Variants in NLGN4Y observed in about 807,000 individuals in gnomAD.
NLGN4Y encodes the protein neuroligin 4 Y-linked.
In NLGN4Y, 4 loss-of-function variants were observed where a neutral mutation model predicts 8.4. The ratio of observed to expected loss-of-function variants is 0.48; its 90% CI spans 0.23 to 1.09. NLGN4Y has a LOEUF of 1.09. NLGN4Y is among the 50% of genes least tolerant of loss of function. The pLI, the probability that NLGN4Y is intolerant of heterozygous loss-of-function variation, is 0.19. For missense variants in NLGN4Y, 90 were observed against 192.3 expected, an observed-to-expected ratio of 0.47 and a Z score of 3.15; for synonymous variants, 35 against 75.6, an observed-to-expected ratio of 0.46 and a Z score of 2.78.
At chrY:14,764,492 A>G in intron 4 of NLGN4Y, among the ~76,000 whole-genome samples, 1 of 33,719 alleles carries the variant, frequency 3.0e-5, no homozygotes, top group Admixed American at 2.7e-4. Flanking sequence ...TGTTATCTCA[A>G]TACCACACTC....
At chrY:14,820,837 G>T in intron 4 of NLGN4Y, among the ~76,000 whole-genome samples, 1 of 33,377 alleles carries the variant, frequency 3.0e-5, no homozygotes, top group Non-Finnish European at 7.4e-5. Flanking sequence ...TGGCTGCAGG[G>T]TCAACCAACT....
intron 2 of NLGN4Y, among the ~76,000 whole-genome samples, chrY:14,686,296 G>A (rs2080791205): frequency 3.0e-5 from 1 of 32,835 alleles, no homozygotes; most frequent in Non-Finnish European, 7.5e-5. Flanking sequence ...CAGAATACTG[G>A]CTAAACAATT....
At chrY:14,606,251 G>T (rs770938556) in intron 1 of NLGN4Y, among the ~76,000 whole-genome samples, 2 of 33,585 alleles carry the variant, frequency 6.0e-5, no homozygotes, top group Admixed American at 2.7e-4. Flanking sequence ...CATAATGAAT[G>T]TGAGATAGAA....
intron 4 of NLGN4Y, among the ~76,000 whole-genome samples, chrY:14,807,079 ATAAG>A (rs2043060209): frequency 3.0e-5 from 1 of 33,587 alleles, no homozygotes; most frequent in Admixed American, 2.8e-4. Context: ...AATAGTATAA[ATAAG>A]TAAGAACTTA....
chrY:14,832,206 C>T, intron 6 of NLGN4Y, among the ~76,000 whole-genome samples: 1 of 34,614 alleles, frequency 2.9e-5, no homozygotes, highest in South Asian at 6.4e-4. Context: ...CTGATAAGAT[C>T]AGAGGACACG....
chrY:14,561,039 A>T (rs1444906269), intron 1 of NLGN4Y, among the ~76,000 whole-genome samples: 3 of 33,118 alleles, frequency 9.1e-5, no homozygotes, highest in Non-Finnish European at 1.5e-4. Context: ...CATATAATAC[A>T]TCGTCCTACA....
intron 1 of NLGN4Y, among the ~76,000 whole-genome samples, chrY:14,533,317 A>G (rs2080120275): frequency 3.0e-5 from 1 of 33,387 alleles, no homozygotes; most frequent in Non-Finnish European, 7.4e-5. Flanking sequence ...TTTAAAATCA[A>G]TAAGCAACAG....
chrY:14,543,251 CA>C (rs2080157230), intron 1 of NLGN4Y, among the ~76,000 whole-genome samples: 15 of 33,879 alleles, frequency 4.4e-4, no homozygotes, highest in African/African-American at 1.7e-3. Flanking sequence ...CACCAACTAT[CA>C]AATTATAAAT....
chrY:14,672,692 A>G (rs2080718538), intron 2 of NLGN4Y, among the ~76,000 whole-genome samples: 1 of 32,171 alleles, frequency 3.1e-5, no homozygotes, highest in Non-Finnish European at 7.5e-5. Flanking sequence ...TAAAGTTCAT[A>G]TGGAACCAAA....
At chrY:14,820,763 T>C (rs2043119448) in intron 4 of NLGN4Y, among the ~76,000 whole-genome samples, 1 of 32,797 alleles carries the variant, frequency 3.0e-5, no homozygotes, top group Non-Finnish European at 7.5e-5. Flanking sequence ...AAGGCAAGGG[T>C]CACGATAGAT....
chrY:14,634,467 G>T (rs2080558610), intron 2 of NLGN4Y, among the ~76,000 whole-genome samples: 3 of 33,335 alleles, frequency 9.0e-5, no homozygotes. Flanking sequence ...CTGGCCTGTA[G>T]TCCTAGCTAC....
At chrY:14,633,942 A>G in intron 2 of NLGN4Y, among the ~76,000 whole-genome samples, 2 of 33,406 alleles carry the variant, frequency 6.0e-5, no homozygotes, top group South Asian at 1.4e-3. Context: ...GGTTGTTTAC[A>G]TAATGACTAA....
At chrY:14,551,981 T>C in intron 1 of NLGN4Y, among the ~76,000 whole-genome samples, 1 of 33,406 alleles carries the variant, frequency 3.0e-5, no homozygotes, top group African/African-American at 1.2e-4. Flanking sequence ...AAAAAATCAG[T>C]GAATCCAGGA....
At chrY:14,733,750 G>A (rs2080982547) in intron 4 of NLGN4Y, among the ~76,000 whole-genome samples, 3 of 33,168 alleles carry the variant, frequency 9.0e-5, no homozygotes, top group African/African-American at 2.4e-4. Context: ...TTGACTCACT[G>A]CTCCACCCCT....
intron 2 of NLGN4Y, among the ~76,000 whole-genome samples, chrY:14,637,133 C>T (rs2080567202): frequency 3.1e-5 from 1 of 32,441 alleles, no homozygotes; most frequent in Non-Finnish European, 7.5e-5. Flanking sequence ...GTGAAGGATT[C>T]ATGGGTGCAG....
At chrY:14,751,503 G>A (rs1603503526) in intron 4 of NLGN4Y, among the ~76,000 whole-genome samples, 1 of 32,538 alleles carries the variant, frequency 3.1e-5, no homozygotes, top group African/African-American at 1.2e-4. Context: ...TTTATTGGCC[G>A]TTTGTTTTTC....
intron 1 of NLGN4Y, among the ~76,000 whole-genome samples, chrY:14,564,912 TC>T (rs2080245934): frequency 3.0e-5 from 1 of 32,928 alleles, no homozygotes; most frequent in Admixed American, 2.8e-4. Context: ...GGAGTGGACC[TC>T]CAGCAAACTC....
chrY:14,730,749 T>C (rs1052588265), intron 4 of NLGN4Y, among the ~76,000 whole-genome samples: 1 of 33,491 alleles, frequency 3.0e-5, no homozygotes, highest in Non-Finnish European at 7.4e-5. Context: ...GCAAAACACA[T>C]AATTTCATTC....
chrY:14,732,517 C>A (rs2080976159), intron 4 of NLGN4Y, among the ~76,000 whole-genome samples: 2 of 34,222 alleles, frequency 5.8e-5, no homozygotes. Context: ...AACCATTCAT[C>A]ATGCCAGTAA....
Sources: gnomAD v4.1 joint callset for allele counts (sites outside exome capture counted in the v4.1 genomes callset) on GRCh38, gnomAD v4.1.1 for gene constraint, MANE v1.5 for transcripts, NCBI Gene and HGNC (gene_info 2026-07-23, HGNC 2026-07-21) for gene names.